The following RPS6KA2 variants were observed in gnomAD, a reference collection of about 807,000 sequenced individuals.
The protein encoded by RPS6KA2 is ribosomal protein S6 kinase alpha-2.
Under a neutral mutation model 91.8 loss-of-function variants are expected in RPS6KA2, and 42 were observed. The observed-to-expected ratio is 0.46, with a 90% CI of 0.36 to 0.59. The LOEUF is 0.59. Ranked by LOEUF, RPS6KA2 falls within the 20% of genes least tolerant of loss-of-function variation. RPS6KA2 has a pLI of 0.00. For missense variants in RPS6KA2, 798 were observed against 978.5 expected, an observed-to-expected ratio of 0.82 and a Z score of 2.46; for synonymous variants, 414 against 393.6, an observed-to-expected ratio of 1.05 and a Z score of -0.61.
At chr6:166,543,510 A>T (rs1278939842) in intron 1 of RPS6KA2, among the ~76,000 whole-genome samples, 1 of 152,082 alleles carries the variant, frequency 6.6e-6, no homozygotes, top group East Asian at 1.9e-4. Context: ...CCTCCATAGC[A>T]CTGGGCATGG....
intron 1 of RPS6KA2, among the ~76,000 whole-genome samples, chr6:166,613,296 G>A (rs1786256950): frequency 6.6e-6 from 1 of 152,232 alleles, no homozygotes; most frequent in Non-Finnish European, 1.5e-5. Flanking sequence ...CAAGAGCTAG[G>A]AGCAGTGCTG....
Position 166,626,884 on chromosome 6 carries a change from GC to G in RPS6KA2, c.99+36del. On this transcript the variant is annotated intron_variant, in intron 1 of 20. Transcript: ENST00000265678. The surrounding 1 kb of genome is among the most constrained non-coding windows in gnomAD (Gnocchi z 4.1). The stretch of plus-strand genomic sequence containing the variant: ...CTCGGGCGACCACGGCCCGCTCAGT[GC>G]CCGGCACCTGCGCGCCCCGAGGGCG... 6.9e-7 allele frequency: 1 copy of G among 1,440,840 alleles called. No homozygotes were observed. The highest frequency in any genetic ancestry group is 9.2e-7 in the Non-Finnish European group (1 of 1,087,456). 89.3% of individuals were successfully genotyped at this position (1,440,840 alleles called of 1,614,324 possible).
intron 2 of RPS6KA2, among the ~76,000 whole-genome samples, chr6:166,808,362 T>C (rs867732695): frequency 2.6e-5 from 4 of 152,250 alleles, no homozygotes; most frequent in South Asian, 4.1e-4. Context: ...ATCTCCAGCA[T>C]GTCCAACTCT....
chr6:166,800,234 G>T (rs978193929), intron 2 of RPS6KA2, among the ~76,000 whole-genome samples: 1 of 152,148 alleles, frequency 6.6e-6, no homozygotes, highest in African/African-American at 2.4e-5. Context: ...CCAGGAGGCC[G>T]GCAAAGAGGC....
chr6:166,497,120 A>G (rs1001656145), intron 8 of RPS6KA2, among the ~76,000 whole-genome samples: 3 of 152,230 alleles, frequency 2.0e-5, no homozygotes, highest in African/African-American at 7.2e-5. Flanking sequence ...AGGAAAGCAG[A>G]GGTGGTCTCA....
intron 1 of RPS6KA2, among the ~76,000 whole-genome samples, chr6:166,588,953 G>C (rs1011294859): frequency 6.6e-6 from 1 of 152,180 alleles, no homozygotes; most frequent in Non-Finnish European, 1.5e-5. Context: ...TTCCAAATTG[G>C]GGGGAGGAGG....
chr6:166,679,345 T>C (rs930029899), intron 2 of RPS6KA2, among the ~76,000 whole-genome samples: 55 of 151,066 alleles, frequency 3.6e-4, no homozygotes, highest in African/African-American at 1.3e-3. Flanking sequence ...GTGCCTGTAA[T>C]CACAGCTATT....
chr6:166,546,721 C>T (rs1783839078), intron 1 of RPS6KA2, among the ~76,000 whole-genome samples: 1 of 152,198 alleles, frequency 6.6e-6, no homozygotes, highest in South Asian at 2.1e-4. Context: ...TTCTCCCAGA[C>T]TCAATTATCG....
rs181591273 is a variant in RPS6KA2, at chr6:166,593,028, T to C, written c.99+33893A>G. On this transcript the variant is annotated intron_variant, in intron 1 of 20. Coordinates refer to ENST00000265678, the MANE Select transcript of RPS6KA2 (RefSeq NM_021135.6). Reference sequence around the variant, plus strand: ...TCAAGACCTCAGAGCTCACCACTGATGCAACCTCGACAGACACCAGTGAGC... The same window carrying C: ...TCAAGACCTCAGAGCTCACCACTGACGCAACCTCGACAGACACCAGTGAGC... Among the ~76,000 whole-genome samples the C allele has an allele frequency of 1.4e-4, 21 of 152,250 alleles. No homozygotes were observed. The East Asian group carries it at 4.1e-3, about 29-fold the overall frequency.
chr6:166,581,743 C>T lies in RPS6KA2; in HGVS notation c.100-42959G>A, dbSNP rs187640403. ...CTGGGCGAGATGGGGAGGGAACACCCGCTGGGCAGGAGGGCACGGGGAGAG... is the reference window on the plus strand; with the variant it reads ...CTGGGCGAGATGGGGAGGGAACACCTGCTGGGCAGGAGGGCACGGGGAGAG... On this transcript the variant is annotated intron_variant, in intron 1 of 20. Coordinates refer to ENST00000265678, the MANE Select transcript of RPS6KA2 (RefSeq NM_021135.6). Among the ~76,000 whole-genome samples the T allele has an allele frequency of 6.8e-4, 101 of 148,046 alleles. 1 individual carries two copies. The highest frequency in any genetic ancestry group is 4.3e-3 in the Admixed American group (63 of 14,814).
At chr6:166,469,113 C>G (rs1780654471) in intron 11 of RPS6KA2, among the ~76,000 whole-genome samples, 1 of 152,160 alleles carries the variant, frequency 6.6e-6, no homozygotes, top group African/African-American at 2.4e-5. Flanking sequence ...GCGAGAACTC[C>G]CTGTGTGGGG....
intron 16 of RPS6KA2, among the ~76,000 whole-genome samples, chr6:166,429,355 T>A (rs1216256820): frequency 6.6e-6 from 1 of 151,038 alleles, no homozygotes. Context: ...AGTTAATGGG[T>A]GCAGCACACC....
At chr6:166,746,043 A>C (rs1790998086) in intron 2 of RPS6KA2, among the ~76,000 whole-genome samples, 1 of 152,168 alleles carries the variant, frequency 6.6e-6, no homozygotes, top group Non-Finnish European at 1.5e-5. Context: ...TCCGTGTTGC[A>C]GCTACTGAGA....
At chr6:166,512,666 C>T (rs1361011752) in intron 3 of RPS6KA2, among the ~76,000 whole-genome samples, 1 of 152,132 alleles carries the variant, frequency 6.6e-6, no homozygotes, top group Non-Finnish European at 1.5e-5. Flanking sequence ...TGGTGTATGG[C>T]CCTGCAACCC....
intron 19 of RPS6KA2, among the ~76,000 whole-genome samples, chr6:166,417,814 C>T (rs1175913964): frequency 1.3e-5 from 2 of 151,962 alleles, no homozygotes; most frequent in Non-Finnish European, 1.5e-5. Context: ...ACCTGTAATC[C>T]CAGCAATTTG....
chr6:166,806,118 GT>G lies in RPS6KA2; in HGVS notation c.123+52081del, dbSNP rs1415830351. ...GAAGAAAAATTGAACAGAGTCTAAG[GT>G]ACCTGTGGAACACCCTTAAGTGAAT... On this transcript the variant is annotated intron_variant, in intron 2 of 21. Coordinates refer to the RPS6KA2 transcript ENST00000503859. 1.1e-4 allele frequency among the ~76,000 whole-genome samples: 17 copies of G among 152,298 alleles called. No individual in the cohort carries two copies. In the East Asian group the frequency reaches 2.9e-3, roughly 26 times the overall value.
intron 12 of RPS6KA2, among the ~76,000 whole-genome samples, chr6:166,455,737 C>T (rs1355723102): frequency 2.6e-5 from 4 of 152,252 alleles, no homozygotes; most frequent in Non-Finnish European, 5.9e-5. Flanking sequence ...GCTCCTGCTA[C>T]ACCCGGTTTG....
chr6:166,769,186 C>T (rs189572284), intron 2 of RPS6KA2, among the ~76,000 whole-genome samples: 1 of 152,258 alleles, frequency 6.6e-6, no homozygotes, highest in Admixed American at 6.5e-5. Flanking sequence ...GGAGAAACAC[C>T]CAGTATTGGA....
At chr6:166,862,332 G>A (rs1354671519) in exon 1 of RPS6KA2, 13 of 1,483,952 alleles carry the variant, frequency 8.8e-6, no homozygotes, top group Non-Finnish European at 1.2e-5. Context: ...GGCTCCCAGA[G>A]GAGGTCGTGA....
Sources: allele counts gnomAD v4.1 joint callset (sites outside exome capture counted in the v4.1 genomes callset), GRCh38; gene constraint gnomAD v4.1.1; non-coding constraint Gnocchi (gnomAD v3.1); transcripts MANE v1.5; gene names NCBI Gene and HGNC (gene_info 2026-07-23, HGNC 2026-07-21).